The following BORA variants were observed in gnomAD, a reference collection of about 807,000 sequenced individuals.
BORA encodes protein aurora borealis.
BORA carries 26 observed loss-of-function variants against 55.8 expected under a neutral mutation model. The ratio of observed to expected loss-of-function variants is 0.47; its 90% CI spans 0.34 to 0.65. The LOEUF (loss-of-function observed/expected upper bound fraction) is 0.65, where lower values mean the gene tolerates loss of function less well. BORA is among the 30% of genes least tolerant of loss of function. The probability of loss-of-function intolerance (pLI) is 0.01; values close to 1 mark genes in which losing one functional copy is unlikely to be tolerated. For missense variants in BORA, 568 were observed against 671.5 expected, an observed-to-expected ratio of 0.85 and a Z score of 1.70; for synonymous variants, 201 against 216.9, an observed-to-expected ratio of 0.93 and a Z score of 0.64.
At chr13:72,733,858 A>G (rs1202220326) in intron 3 of BORA, among the ~76,000 whole-genome samples, 2 of 152,186 alleles carry the variant, frequency 1.3e-5, no homozygotes, top group Non-Finnish European at 2.9e-5. Context: ...AATTCACACC[A>G]TGGAATACTA....
chr13:72,741,014 GA>G (rs1023507410), intron 5 of BORA, among the ~76,000 whole-genome samples: 1 of 152,296 alleles, frequency 6.6e-6, no homozygotes, highest in African/African-American at 2.4e-5. Flanking sequence ...TGAATGAGGG[GA>G]AAAGTGGTTT....
intron 5 of BORA, among the ~76,000 whole-genome samples, chr13:72,740,068 T>C (rs2033006421): frequency 6.6e-6 from 1 of 152,072 alleles, no homozygotes; most frequent in Non-Finnish European, 1.5e-5. Flanking sequence ...GGGAGGTGGT[T>C]ACCAGGAGGA....
intron 11 of BORA, chr13:72,754,826 C>G: frequency 4.7e-6 from 1 of 213,756 alleles, no homozygotes; most frequent in South Asian, 9.7e-5. Flanking sequence ...AGCAGTCTTA[C>G]CACCTCAGCC....
Position 72,734,972 on chromosome 13 carries a change from T to C in BORA, c.273T>C (p.Asp91=), listed in dbSNP as rs757844570. The change falls in exon 4 of 12, where the codon GAT becomes GAC. Residue 91 remains aspartate, a synonymous_variant. Transcript: ENST00000390667. Reference sequence around the variant, plus strand: ...TATCTTTGTATAGAATAGATAAAGATGTGGAAGACAAAAGACAAAAAGCCA... The same window carrying C: ...TATCTTTGTATAGAATAGATAAAGACGTGGAAGACAAAAGACAAAAAGCCA... ...LYLSHSRIDK[D]VEDKRQKAIE... is the part of the protein sequence containing the mutation. 1.8e-5 allele frequency: 29 copies of C among 1,585,204 alleles called. No homozygotes were observed. Among genetic ancestry groups the C allele is most frequent in the African/African-American group, 6.7e-5 (5 of 74,184 alleles).
At position 72,727,955 on chromosome 13, in the gene BORA, G is replaced by C; in HGVS notation, c.-68G>C. On this transcript the variant is annotated 5_prime_UTR_variant, in exon 1 of 12. Coordinates refer to ENST00000390667, the MANE Select transcript of BORA (RefSeq NM_024808.5). ...CTATGCCTGTCGTGGAAGCTGGCCT[G>C]GCCCCCGGAGCTCCCTGGAGTCGGT... is the stretch of plus-strand genomic sequence containing the variant. The C allele has an allele frequency of 1.3e-6, 2 of 1,550,620 alleles. No individual in the cohort carries two copies. The highest frequency in any genetic ancestry group is 8.7e-7 in the Non-Finnish European group (1 of 1,146,998).
chr13:72,729,903 T>C (rs2032775687), intron 2 of BORA, among the ~76,000 whole-genome samples: 1 of 152,050 alleles, frequency 6.6e-6, no homozygotes, highest in Non-Finnish European at 1.5e-5. Context: ...CTTAGGACAA[T>C]AGTAATATGA....
chr13:72,739,219 A>T (rs1370560326), intron 5 of BORA, among the ~76,000 whole-genome samples: 1 of 152,098 alleles, frequency 6.6e-6, no homozygotes, highest in Non-Finnish European at 1.5e-5. Context: ...TTACTGTTGG[A>T]TTTTTTCAAC....
chr13:72,748,523 T>C (rs2033197222), intron 10 of BORA, among the ~76,000 whole-genome samples: 1 of 152,206 alleles, frequency 6.6e-6, no homozygotes, highest in South Asian at 2.1e-4. Context: ...CAAAATTAAA[T>C]ATAGTATTTT....
At position 72,753,695 on chromosome 13, in the gene BORA, T is replaced by G. The variant is rs2033346094; in HGVS notation, c.1488T>G (p.Asp496Glu). 6.2e-7 allele frequency: 1 copy of G among 1,609,612 alleles called. No individual in the cohort carries two copies. The highest frequency in any genetic ancestry group is 8.5e-7 in the Non-Finnish European group (1 of 1,178,492). Reference sequence around the variant, plus strand: ...TTTCTTTTTTCTCCTGTCAGATGGATAGTGGCTATAATACGCAGAATTGTG... The same window carrying G: ...TTTCTTTTTTCTCCTGTCAGATGGAGAGTGGCTATAATACGCAGAATTGTG... Reference protein sequence around the residue: ...IPCESSNIQMDSGYNTQNCGS... With the variant: ...IPCESSNIQMESGYNTQNCGS... The change falls in exon 11 of 12, where the codon GAT becomes GAG. Residue 496 changes from aspartate to glutamate, a missense_variant. Coordinates refer to ENST00000390667, the MANE Select transcript of BORA (RefSeq NM_024808.5).
intron 8 of BORA, among the ~76,000 whole-genome samples, chr13:72,745,514 A>G (rs2033122762): frequency 6.6e-6 from 1 of 152,188 alleles, no homozygotes; most frequent in African/African-American, 2.4e-5. Context: ...GTATGTTATC[A>G]TTAGTCATAG....
chr13:72,748,003 T>C (rs2033188043), intron 10 of BORA, among the ~76,000 whole-genome samples: 1 of 152,224 alleles, frequency 6.6e-6, no homozygotes, highest in South Asian at 2.1e-4. Flanking sequence ...GGAAAGGCAT[T>C]TGTTCCATTC....
At chr13:72,741,002 G>A (rs2033023027) in intron 5 of BORA, among the ~76,000 whole-genome samples, 1 of 152,140 alleles carries the variant, frequency 6.6e-6, no homozygotes, top group Non-Finnish European at 1.5e-5. Context: ...CAAATAAAAT[G>A]GTGAATGAGG....
intron 1 of BORA, 134 bp downstream of exon 1, chr13:72,728,141 G>C (rs1036492259): frequency 2.8e-5 from 36 of 1,283,632 alleles, no homozygotes; most frequent in Non-Finnish European, 3.9e-5. Context: ...GGAAGAGAGG[G>C]GCACCAGAAA....
intron 10 of BORA, among the ~76,000 whole-genome samples, chr13:72,750,079 T>C (rs1185473067): frequency 6.6e-6 from 1 of 151,916 alleles, no homozygotes; most frequent in Non-Finnish European, 1.5e-5. Flanking sequence ...TTACTGAGAG[T>C]AACGGGGAGC....
chr13:72,747,378 G>T (rs537699260), intron 10 of BORA, among the ~76,000 whole-genome samples: 2 of 152,256 alleles, frequency 1.3e-5, no homozygotes, highest in East Asian at 3.9e-4. Context: ...CTGCTCTAGA[G>T]AAATCAATCC....
chr13:72,744,198 T>A (rs1397380400), intron 6 of BORA, among the ~76,000 whole-genome samples: 1 of 152,218 alleles, frequency 6.6e-6, no homozygotes, highest in East Asian at 1.9e-4. Context: ...TGGAAAGCAT[T>A]CTTTTGAAAA....
At chr13:72,734,869 A>C (rs1326056861) in intron 3 of BORA, 91 bp from the exon 4 acceptor site, 2 of 900,164 alleles carry the variant, frequency 2.2e-6, no homozygotes, top group Non-Finnish European at 3.4e-6. Context: ...TTTTCAATGA[A>C]GGGAGATTAT....
At chr13:72,745,549 A>G (rs1385658846) in intron 8 of BORA, among the ~76,000 whole-genome samples, 2 of 152,206 alleles carry the variant, frequency 1.3e-5, no homozygotes, top group African/African-American at 4.8e-5. Flanking sequence ...AGACTCTTCA[A>G]TTTTGTATTT....
chr13:72,751,508 C>T lies in BORA; in HGVS notation c.1483-2182C>T, dbSNP rs575883873. On this transcript the variant is annotated intron_variant, in intron 10 of 11. Coordinates refer to ENST00000390667, the MANE Select transcript of BORA (RefSeq NM_024808.5). ...TAAGCCAGGCACAGAAAGATAAATA[C>T]CACATGTACTCCCTCATGTGGAAGC... 2.3e-3 allele frequency among the ~76,000 whole-genome samples: 351 copies of T among 152,214 alleles called. 1 individual carries two copies. The highest frequency in any genetic ancestry group is 4.1e-3 in the Non-Finnish European group (279 of 68,016).
Sources: gnomAD v4.1 joint callset for allele counts (sites outside exome capture counted in the v4.1 genomes callset) on GRCh38, gnomAD v4.1.1 for gene constraint, MANE v1.5 for transcripts, NCBI Gene and HGNC (gene_info 2026-07-23, HGNC 2026-07-21) for gene names.